NRXN3: variants seen among roughly 807,000 people sequenced by gnomAD.
NRXN3 encodes the protein neurexin 3, also known as neurexin III.
In NRXN3, 32 loss-of-function variants were observed where a neutral mutation model predicts 137.6. The ratio of observed to expected loss-of-function variants is 0.23; its 90% CI spans 0.18 to 0.31. The LOEUF is 0.31. Ranked by LOEUF, NRXN3 falls within the 10% of genes least tolerant of loss-of-function variation. The pLI is 1.00. For missense variants in NRXN3, 1,574 were observed against 2,062.5 expected, an observed-to-expected ratio of 0.76 and a Z score of 4.59; for synonymous variants, 798 against 784.5, an observed-to-expected ratio of 1.02 and a Z score of -0.29.
chr14:78,594,678 G>A (rs1178629243), intron 4 of NRXN3, among the ~76,000 whole-genome samples: 1 of 152,148 alleles, frequency 6.6e-6, no homozygotes, highest in African/African-American at 2.4e-5. Flanking sequence ...ATGACTTTGT[G>A]TCATTGGCAA....
chr14:79,124,013 A>G (rs1020385525), intron 15 of NRXN3, among the ~76,000 whole-genome samples: 7 of 152,112 alleles, frequency 4.6e-5, no homozygotes, highest in Admixed American at 2.0e-4. Flanking sequence ...ATATCACACC[A>G]CCGAATGAGC....
rs188623700 is a variant in NRXN3, at chr14:78,395,592, G to A, written c.757+97732G>A. On this transcript the variant is annotated intron_variant, in intron 4 of 20. Coordinates refer to ENST00000335750, the MANE Select transcript of NRXN3 (RefSeq NM_001330195.2). ...TGATTTTCTATCTAGTTGTCCTATC[G>A]ATTATTGAGAGAAGGGTGTGAAGTC... Among the ~76,000 whole-genome samples the A allele has an allele frequency of 1.4e-4, 21 of 151,888 alleles. No homozygotes were observed. In the East Asian group the frequency reaches 4.0e-3, roughly 29 times the overall value.
chr14:78,200,338 G>A (rs2061568031), intron 1 of NRXN3, among the ~76,000 whole-genome samples: 1 of 152,202 alleles, frequency 6.6e-6, no homozygotes, highest in Non-Finnish European at 1.5e-5. Flanking sequence ...CTGTGCATCG[G>A]TTGTGAATGT....
At chr14:79,395,487 T>C (rs1011552769) in intron 15 of NRXN3, among the ~76,000 whole-genome samples, 3 of 152,056 alleles carry the variant, frequency 2.0e-5, no homozygotes, top group Non-Finnish European at 2.9e-5. Flanking sequence ...ATGTTGCATA[T>C]GTGGAGTGTG....
intron 1 of NRXN3, among the ~76,000 whole-genome samples, chr14:78,236,820 C>T (rs933893484): frequency 6.8e-6 from 1 of 147,174 alleles, no homozygotes; most frequent in African/African-American, 2.5e-5. Context: ...TTAAATTCAG[C>T]TGTGCCTGCC....
intron 16 of NRXN3, among the ~76,000 whole-genome samples, chr14:79,600,152 A>G (rs867447936): frequency 7.9e-5 from 12 of 152,234 alleles, no homozygotes; most frequent in Non-Finnish European, 1.5e-4. Context: ...TGAAGTTTCA[A>G]TGCAGGCATC....
rs187503932 is a variant in NRXN3 at position 79,828,601 on chromosome 14, A to G, written c.4093+23411A>G. Among the ~76,000 whole-genome samples, 116 of 147,532 alleles carry G rather than the reference A, an allele frequency of 7.9e-4. 2 individuals carry two copies. The East Asian group carries it at 0.011, about 14-fold the overall frequency. On this transcript the variant is annotated intron_variant, in intron 20 of 20. Transcript: ENST00000335750. ...CGCTCTGCACTCCAGCCTGGGCAACAGAGGAAGACTCCATCTCAAAAAAAA... is the reference window on the plus strand; with the variant it reads ...CGCTCTGCACTCCAGCCTGGGCAACGGAGGAAGACTCCATCTCAAAAAAAA...
rs566837528 is a variant in NRXN3, at chr14:79,754,503, G to T, written c.4015-50609G>T. Among the ~76,000 whole-genome samples, 4 of 44,186 alleles carry T rather than the reference G, an allele frequency of 9.1e-5. No homozygotes were observed. The South Asian group carries it at 2.3e-3, about 25-fold the overall frequency. 29.0% of individuals were successfully genotyped at this position (44,186 alleles called of 152,430 possible). On this transcript the variant is annotated intron_variant, in intron 19 of 20. Coordinates refer to ENST00000335750, the MANE Select transcript of NRXN3 (RefSeq NM_001330195.2). ...GGAAGACTCACTCTCACTCTCTCTT[G>T]ATATATATATATATATATATATATA...
intron 16 of NRXN3, among the ~76,000 whole-genome samples, chr14:79,490,390 A>G (rs1282098542): frequency 6.6e-6 from 1 of 152,214 alleles, no homozygotes; most frequent in Non-Finnish European, 1.5e-5. Flanking sequence ...ACTTTTCACA[A>G]TAGCTAATGA....
intron 15 of NRXN3, among the ~76,000 whole-genome samples, chr14:79,257,472 ATGGTGGTGATGGTGGTGATGG>A (rs2076852896): frequency 5.1e-4 from 6 of 11,728 alleles, no homozygotes; most frequent in Admixed American, 1.2e-3. Context: ...GGTGGTGGTG[ATGGTGGTGATGGTGGTGATGG>A]TGGTGGTGGT....
At chr14:78,664,917 T>G (rs1242980072) in intron 6 of NRXN3, among the ~76,000 whole-genome samples, 1 of 152,218 alleles carries the variant, frequency 6.6e-6, no homozygotes, top group African/African-American at 2.4e-5. Flanking sequence ...ATAGAATTAT[T>G]GTTCCAAAGT....
intron 15 of NRXN3, among the ~76,000 whole-genome samples, chr14:79,023,680 C>T (rs575739577): frequency 6.6e-6 from 1 of 152,144 alleles, no homozygotes; most frequent in South Asian, 2.1e-4. Context: ...ATCTTCTTCA[C>T]AAGGCGACAG....
chr14:78,966,064 A>C lies in NRXN3; in HGVS notation c.2435A>C (p.Asn812Thr). Residue 812 changes from asparagine (N) to threonine (T), a missense_variant, in exon 12 of 21, where the codon AAC becomes ACC. Asn to Thr is a moderately conservative substitution (Grantham distance 65). Around this residue, in one of 5 missense-constraint regions of NRXN3, gnomAD observed 718 missense variants for 887.6 expected, o/e 0.81. Coordinates refer to ENST00000335750, the MANE Select transcript of NRXN3 (RefSeq NM_001330195.2). Reference sequence around the variant, plus strand: ...GACCATACCCGTTTGGAGTTCCACAACATTGAAACGGGAATCATGACTGAG... The same window carrying C: ...GACCATACCCGTTTGGAGTTCCACACCATTGAAACGGGAATCATGACTGAG... ...VGDHTRLEFHNIETGIMTEKR... is the reference protein window; with the variant it reads ...VGDHTRLEFHTIETGIMTEKR... The C allele has an allele frequency of 6.2e-7, 1 of 1,614,198 alleles. No individual in the cohort carries two copies. The highest frequency in any genetic ancestry group is 1.1e-5 in the South Asian group (1 of 91,082).
chr14:78,872,577 A>G (rs2099104163), intron 10 of NRXN3, among the ~76,000 whole-genome samples: 1 of 152,060 alleles, frequency 6.6e-6, no homozygotes, highest in African/African-American at 2.4e-5. Flanking sequence ...ACTTAATAAT[A>G]AAACTCTAAC....
At chr14:79,149,677 T>C (rs971940616) in intron 15 of NRXN3, among the ~76,000 whole-genome samples, 2 of 151,968 alleles carry the variant, frequency 1.3e-5, no homozygotes, top group African/African-American at 2.4e-5. Context: ...TATACAGACA[T>C]AAAAAGGAAT....
intron 4 of NRXN3, among the ~76,000 whole-genome samples, chr14:78,635,470 C>T (rs1035290245): frequency 5.3e-5 from 8 of 152,062 alleles, no homozygotes; most frequent in Admixed American, 4.6e-4. Context: ...ATATAAAAAA[C>T]ATTTCAGATG....
At chr14:78,386,160 TA>T (rs2089950340) in intron 4 of NRXN3, among the ~76,000 whole-genome samples, 1 of 152,170 alleles carries the variant, frequency 6.6e-6, no homozygotes, top group Non-Finnish European at 1.5e-5. Context: ...ACAGTTACAG[TA>T]GCCAGACAGA....
chr14:79,128,391 T>C, intron 15 of NRXN3, among the ~76,000 whole-genome samples: 1 of 148,962 alleles, frequency 6.7e-6, no homozygotes, highest in Non-Finnish European at 1.5e-5. Context: ...CATGAAGCGT[T>C]GTTGAATTTT....
chr14:78,607,296 C>T lies in NRXN3; in HGVS notation c.758-37824C>T, dbSNP rs80101621. ...AATTCTAATATATGGAATCCTTTCC[C>T]GCTGAGCTTCCATGAAAGCATTTGA... On this transcript the variant is annotated intron_variant, in intron 4 of 20. Transcript: ENST00000335750. 8.4e-3 allele frequency among the ~76,000 whole-genome samples: 1,274 copies of T among 152,246 alleles called. 87 individuals are homozygous for T. The East Asian group carries it at 0.18, about 21-fold the overall frequency.
Sources: gnomAD v4.1 joint callset for allele counts (sites outside exome capture counted in the v4.1 genomes callset) on GRCh38, gnomAD v4.1.1 for gene constraint, gnomAD v4.1.1 regional missense constraint, MANE v1.5 for transcripts, NCBI Gene and HGNC (gene_info 2026-07-23, HGNC 2026-07-21) for gene names.